BTG4: variants seen among roughly 807,000 people sequenced by gnomAD.
BTG4 encodes the protein BTG anti-proliferation factor 4, also known as protein BTG4.
A neutral mutation model predicts 19.3 loss-of-function variants in BTG4; 10 were observed. That is an observed-to-expected ratio of 0.52 (90% CI 0.32 to 0.88). BTG4 has a LOEUF of 0.88. Ranked by LOEUF, BTG4 falls within the 40% of genes least tolerant of loss-of-function variation. The probability of loss-of-function intolerance (pLI) is 0.04; values close to 1 mark genes in which losing one functional copy is unlikely to be tolerated. For missense variants in BTG4, 238 were observed against 281.9 expected, an observed-to-expected ratio of 0.84 and a Z score of 1.11; for synonymous variants, 91 against 95.7, an observed-to-expected ratio of 0.95 and a Z score of 0.29.
the BTG4 span, among the ~76,000 whole-genome samples, chr11:111,406,538 A>G: frequency 6.6e-6 from 1 of 151,950 alleles, no homozygotes; most frequent in Non-Finnish European, 1.5e-5. Flanking sequence ...CTTTGTCATC[A>G]TTTTTTCCCA....
At chr11:111,389,271 C>T in the BTG4 span, among the ~76,000 whole-genome samples, 31 of 151,774 alleles carry the variant, frequency 2.0e-4, no homozygotes, top group African/African-American at 6.8e-4. Flanking sequence ...AAAATGAAAA[C>T]GAGATATAAA....
At chr11:111,440,442 T>C in the BTG4 span, among the ~76,000 whole-genome samples, 1 of 152,224 alleles carries the variant, frequency 6.6e-6, no homozygotes, top group South Asian at 2.1e-4. Flanking sequence ...TCCCAATGTC[T>C]AAATAACCTA....
At chr11:111,383,890 C>T in the BTG4 span, among the ~76,000 whole-genome samples, 1 of 152,118 alleles carries the variant, frequency 6.6e-6, no homozygotes, top group Admixed American at 6.6e-5. Flanking sequence ...GATCATATTC[C>T]ATGTTTTTTA....
chr11:111,513,540 C>CTG, upstream of BTG4: 1 of 517,824 alleles, frequency 1.9e-6, no homozygotes, highest in South Asian at 1.4e-5. Flanking sequence ...AATGAGCTGC[C>CTG]TGTGCATCAT....
chr11:111,468,588 T>G (rs1591441780), intron 5 of BTG4, among the ~76,000 whole-genome samples: 1 of 152,098 alleles, frequency 6.6e-6, no homozygotes, highest in South Asian at 2.1e-4. Flanking sequence ...CTACCTGAAG[T>G]TTTTTCATGC....
chr11:111,504,008 T>G (rs190911895), intron 1 of BTG4, among the ~76,000 whole-genome samples: 1 of 152,120 alleles, frequency 6.6e-6, no homozygotes, highest in South Asian at 2.1e-4. Flanking sequence ...AATGTTAAAT[T>G]TGCTGGACTT....
chr11:111,408,471 A>T, the BTG4 span, among the ~76,000 whole-genome samples: 10 of 152,216 alleles, frequency 6.6e-5, no homozygotes, highest in Non-Finnish European at 1.3e-4. Context: ...CTATTGGCCC[A>T]GGACCACCTG....
the BTG4 span, among the ~76,000 whole-genome samples, chr11:111,400,013 G>C: frequency 6.6e-6 from 1 of 152,152 alleles, no homozygotes; most frequent in South Asian, 2.1e-4. Flanking sequence ...GCCGGGATGG[G>C]TGAGGGTGGG....
Position 111,498,008 on chromosome 11 carries a change from C to T in BTG4, c.301G>A (p.Val101Ile). ...TATGAGATTACTCACCTACAGCATA[C>T]TTCAAAGGGATCTACCCATATGGTC... Reference protein sequence around the residue: ...EMTIWVDPFEVCCRYGEKNHP... With the variant: ...EMTIWVDPFEICCRYGEKNHP... Residue 101 changes from valine to isoleucine, a missense_variant, in exon 3 of 5, where the codon GTA becomes ATA. Coordinates refer to ENST00000692032, the MANE Select transcript of BTG4 (RefSeq NM_001367975.1). 1 of 1,614,022 alleles carries T rather than the reference C, an allele frequency of 6.2e-7. No individual in the cohort carries two copies. The highest frequency in any genetic ancestry group is 8.5e-7 in the Non-Finnish European group (1 of 1,179,916).
At chr11:111,458,801 A>G in the BTG4 span, among the ~76,000 whole-genome samples, 1 of 152,144 alleles carries the variant, frequency 6.6e-6, no homozygotes, top group Non-Finnish European at 1.5e-5. Context: ...CTTCCCACAA[A>G]TAACAACAAA....
downstream of BTG4, among the ~76,000 whole-genome samples, chr11:111,493,503 T>TA (rs1865543171): frequency 6.6e-6 from 1 of 152,192 alleles, no homozygotes; most frequent in South Asian, 2.1e-4. Flanking sequence ...GCCTAATACT[T>TA]ACACCCATTG....
At chr11:111,444,478 G>A in the BTG4 span, among the ~76,000 whole-genome samples, 1 of 152,030 alleles carries the variant, frequency 6.6e-6, no homozygotes, top group African/African-American at 2.4e-5. Flanking sequence ...GGGAGGGAAG[G>A]TGGGGATGGT....
At chr11:111,499,369 C>T (rs1865930701) in intron 1 of BTG4, among the ~76,000 whole-genome samples, 1 of 152,190 alleles carries the variant, frequency 6.6e-6, no homozygotes, top group Admixed American at 6.5e-5. Context: ...TAAGCCTGGG[C>T]CCTAAAGGCT....
the BTG4 span, among the ~76,000 whole-genome samples, chr11:111,433,592 G>T: frequency 6.6e-6 from 1 of 152,154 alleles, no homozygotes; most frequent in Non-Finnish European, 1.5e-5. Flanking sequence ...CACAGCAAAA[G>T]AAACTATCAT....
In BTG4 at chr11:111,498,621, A is replaced by C; in HGVS notation, c.156T>G (p.Ser52=). 1 of 1,612,896 alleles carries C rather than the reference A, an allele frequency of 6.2e-7. No individual in the cohort carries two copies. The change falls in exon 2 of 5, where the codon TCT becomes TCG. Residue 52 remains serine (S), a synonymous_variant. Transcript: ENST00000692032. ...GCTCTCACCTGAAGGCTTGCCCTTTAGAAGGGCAATCAGAGTGCCAGTGAC... is the reference window on the plus strand; with the variant it reads ...GCTCTCACCTGAAGGCTTGCCCTTTCGAAGGGCAATCAGAGTGCCAGTGAC... ...YRSHWHSDCP[S]KGQAFRCIRI...
At chr11:111,429,941 T>A in the BTG4 span, among the ~76,000 whole-genome samples, 1 of 67,008 alleles carries the variant, frequency 1.5e-5, no homozygotes, top group Non-Finnish European at 3.1e-5. Flanking sequence ...TGTTGGTGTT[T>A]TTTGTTTTGT....
At chr11:111,478,389 C>T (rs1225468273) in intron 5 of BTG4, among the ~76,000 whole-genome samples, 2 of 152,096 alleles carry the variant, frequency 1.3e-5, no homozygotes, top group African/African-American at 4.8e-5. Context: ...TCAAAGGAAA[C>T]CAGTTGAAAC....
chr11:111,436,855 C>G, the BTG4 span, among the ~76,000 whole-genome samples: 1 of 152,228 alleles, frequency 6.6e-6, no homozygotes, highest in Middle Eastern at 3.4e-3. Flanking sequence ...TGAGAGTTTC[C>G]GTTGGCTCGC....
chr11:111,511,468 A>G (rs529805472), intron 1 of BTG4, among the ~76,000 whole-genome samples: 94 of 152,330 alleles, frequency 6.2e-4, no homozygotes, highest in African/African-American at 2.1e-3. Context: ...TAGGGAATCA[A>G]TCTATAGGTG....
Sources: allele counts gnomAD v4.1 joint callset (sites outside exome capture counted in the v4.1 genomes callset), GRCh38; gene constraint gnomAD v4.1.1; transcripts MANE v1.5; gene names NCBI Gene and HGNC (gene_info 2026-07-23, HGNC 2026-07-21).